Variants in CSMD3 observed in about 807,000 individuals in gnomAD.
CSMD3 encodes CUB and Sushi multiple domains 3.
Under a neutral mutation model 435.2 loss-of-function variants are expected in CSMD3, and 177 were observed. The ratio of observed to expected loss-of-function variants is 0.41; its 90% CI spans 0.36 to 0.46. The LOEUF is 0.46. Among genes scored for constraint, CSMD3 ranks in the 20% least tolerant of loss-of-function variants. The pLI is 0.34. For synonymous variants in CSMD3, 1,656 were observed against 1,520.5 expected (o/e 1.09, Z -2.07); for missense variants, 4,265 against 4,504.6 (o/e 0.95, Z 1.52).
chr8:112,609,312 A>G (rs1353758974), intron 22 of CSMD3, among the ~76,000 whole-genome samples: 2 of 148,480 alleles, frequency 1.3e-5, no homozygotes, highest in East Asian at 4.0e-4. Context: ...ATATTATTTT[A>G]TTTTTTAAAC....
At chr8:113,346,446 T>C (rs914102270) in intron 1 of CSMD3, among the ~76,000 whole-genome samples, 1 of 152,156 alleles carries the variant, frequency 6.6e-6, no homozygotes, top group Non-Finnish European at 1.5e-5. Context: ...TCTGATTCTT[T>C]GTCATAATTC....
intron 1 of CSMD3, among the ~76,000 whole-genome samples, chr8:113,349,267 G>A (rs912094123): frequency 1.1e-4 from 17 of 152,006 alleles, no homozygotes; most frequent in African/African-American, 4.1e-4. Flanking sequence ...CCCTTTTAAT[G>A]TTTGTAACTG....
At chr8:112,850,303 T>C (rs2080448850) in intron 11 of CSMD3, among the ~76,000 whole-genome samples, 4 of 152,138 alleles carry the variant, frequency 2.6e-5, no homozygotes, top group Admixed American at 2.0e-4. Flanking sequence ...AACATGCTTA[T>C]TAAAAATTTA....
intron 12 of CSMD3, among the ~76,000 whole-genome samples, chr8:112,819,863 A>AT (rs1563992440): frequency 6.6e-6 from 1 of 152,030 alleles, no homozygotes; most frequent in African/African-American, 2.4e-5. Flanking sequence ...AAGTAACACT[A>AT]TTTTCTTTCA....
chr8:113,190,629 G>A (rs772006678), intron 3 of CSMD3, among the ~76,000 whole-genome samples: 2 of 151,094 alleles, frequency 1.3e-5, no homozygotes, highest in South Asian at 2.1e-4. Context: ...TGTCTATGAC[G>A]ATGTTTTTAG....
chr8:112,424,885 T>C (rs1812900559), intron 32 of CSMD3, among the ~76,000 whole-genome samples: 1 of 152,144 alleles, frequency 6.6e-6, no homozygotes, highest in Non-Finnish European at 1.5e-5. Flanking sequence ...AGAGACGGGG[T>C]TTCACCATGT....
intron 13 of CSMD3, among the ~76,000 whole-genome samples, chr8:112,796,779 GT>G (rs1043027758): frequency 1.3e-5 from 2 of 151,918 alleles, no homozygotes; most frequent in African/African-American, 4.8e-5. Flanking sequence ...TTAAATAATA[GT>G]TTTGGCAAAC....
rs374645228 is a variant in CSMD3, at chr8:113,157,682, A to G, written c.709+16040T>C. ...TACGATTTCTATGTTTGCATTTCAC[A>G]TTTCAGAAATAGCTGCTCAAAATGC... On this transcript the variant is annotated intron_variant, in intron 4 of 70. Coordinates refer to ENST00000297405, the MANE Select transcript of CSMD3 (RefSeq NM_198123.2). Among the ~76,000 whole-genome samples, 5 of 152,112 alleles carry G rather than the reference A, an allele frequency of 3.3e-5. No homozygotes were observed. The South Asian group carries it at 8.3e-4, about 25-fold the overall frequency.
At chr8:113,418,193 G>C (rs1253191397) in intron 1 of CSMD3, among the ~76,000 whole-genome samples, 1 of 152,074 alleles carries the variant, frequency 6.6e-6, no homozygotes, top group African/African-American at 2.4e-5. Context: ...AGCAGGTTAT[G>C]TCAAGAATTA....
chr8:112,664,701 T>C (rs1003006176), intron 17 of CSMD3, among the ~76,000 whole-genome samples: 13 of 152,078 alleles, frequency 8.5e-5, no homozygotes, highest in African/African-American at 2.9e-4. Context: ...TGAGATCATA[T>C]AGATGGGCCC....
chr8:112,377,233 G>A (rs111688652), intron 38 of CSMD3, among the ~76,000 whole-genome samples: 334 of 151,706 alleles, frequency 2.2e-3, no homozygotes, highest in Non-Finnish European at 3.3e-3. Context: ...ATTACACACC[G>A]AAAAATTGAA....
In CSMD3 at chr8:112,335,519, G is replaced by T. The variant is rs760887229; in HGVS notation, c.7020-45C>A. On this transcript the variant is annotated intron_variant, in intron 44 of 70. Coordinates refer to ENST00000297405, the MANE Select transcript of CSMD3 (RefSeq NM_198123.2). ...AAAGGAGGAGAGATCAAGATTGATT[G>T]TGGAAGTAGTTTTGAACCGTATTTA... is the stretch of plus-strand genomic sequence containing the variant. The T allele has an allele frequency of 5.8e-6, 9 of 1,564,636 alleles. No individual in the cohort carries two copies. The Admixed American group carries it at 1.0e-4, about 17-fold the overall frequency.
chr8:112,468,452 A>G (rs1205440887), intron 32 of CSMD3, among the ~76,000 whole-genome samples: 1 of 151,800 alleles, frequency 6.6e-6, no homozygotes, highest in African/African-American at 2.4e-5. Flanking sequence ...TTGTTAAAAT[A>G]GAAATCTACA....
chr8:113,156,656 T>C (rs1383973063), intron 4 of CSMD3, among the ~76,000 whole-genome samples: 1 of 151,390 alleles, frequency 6.6e-6, no homozygotes, highest in Non-Finnish European at 1.5e-5. Context: ...ATCCCAGCAT[T>C]TTGGGAGGCT....
rs1051690473 is a variant in CSMD3, at chr8:112,265,649, A to T, written c.9509-59T>A. Reference sequence around the variant, plus strand: ...ATGAGGCATGTATTTAATGGAGAGGAGTAGTAAGCATATGGCATACTTAAT... The same window carrying T: ...ATGAGGCATGTATTTAATGGAGAGGTGTAGTAAGCATATGGCATACTTAAT... On this transcript the variant is annotated intron_variant, in intron 59 of 70. Transcript: ENST00000297405. The T allele has an allele frequency of 4.2e-6, 5 of 1,178,380 alleles. No individual in the cohort carries two copies. The Admixed American group carries it at 8.4e-5, about 20-fold the overall frequency. 73.0% of individuals were successfully genotyped at this position (1,178,380 alleles called of 1,614,324 possible).
chr8:113,273,684 C>G (rs1450343897), intron 3 of CSMD3, among the ~76,000 whole-genome samples: 1 of 152,118 alleles, frequency 6.6e-6, no homozygotes, highest in Non-Finnish European at 1.5e-5. Context: ...GACAATGGGA[C>G]TATTCTACTG....
chr8:112,449,746 C>T (rs764494495), intron 32 of CSMD3, among the ~76,000 whole-genome samples: 19 of 152,146 alleles, frequency 1.2e-4, no homozygotes, highest in Non-Finnish European at 2.4e-4. Context: ...GAATGTTCTA[C>T]GGATGTACCA....
intron 59 of CSMD3, among the ~76,000 whole-genome samples, chr8:112,270,361 T>TGTGTTAGGGGTGA (rs1554623005): frequency 7.4e-6 from 1 of 135,630 alleles, no homozygotes; most frequent in Non-Finnish European, 1.5e-5. Flanking sequence ...TGTGTGTGTG[T>TGTGTTAGGGGTGA]GTGTGTGTGT....
intron 38 of CSMD3, among the ~76,000 whole-genome samples, chr8:112,369,119 A>C (rs560625385): frequency 4.6e-5 from 7 of 152,106 alleles, no homozygotes; most frequent in Non-Finnish European, 7.4e-5. Flanking sequence ...ATGTGGATCT[A>C]CCACACTTTG....
Sources: gnomAD v4.1 joint callset for allele counts (sites outside exome capture counted in the v4.1 genomes callset) on GRCh38, gnomAD v4.1.1 for gene constraint, MANE v1.5 for transcripts, NCBI Gene and HGNC (gene_info 2026-07-23, HGNC 2026-07-21) for gene names.